The following REV3L variants were observed in gnomAD, a reference collection of about 807,000 sequenced individuals.
The protein encoded by REV3L is DNA polymerase zeta catalytic subunit.
In REV3L, 69 loss-of-function variants were observed where a neutral mutation model predicts 299.4. The ratio of observed to expected loss-of-function variants is 0.23; its 90% CI spans 0.19 to 0.28. REV3L has a LOEUF of 0.28. Ranked by LOEUF, REV3L falls within the 10% of genes least tolerant of loss-of-function variation. The pLI, the probability that REV3L is intolerant of heterozygous loss-of-function variation, is 1.00. For missense variants in REV3L, 3,128 were observed against 3,693.8 expected (o/e 0.85, Z 3.97); for synonymous variants, 1,238 against 1,271.4 (o/e 0.97, Z 0.56).
intron 4 of REV3L, among the ~76,000 whole-genome samples, chr6:111,404,438 C>T (rs889205977): frequency 2.6e-5 from 4 of 152,204 alleles, no homozygotes; most frequent in East Asian, 1.9e-4. Context: ...ACACAACATC[C>T]GTTCTGCAGC....
At chr6:111,400,326 T>C (rs1395165042) in intron 4 of REV3L, among the ~76,000 whole-genome samples, 4 of 152,228 alleles carry the variant, frequency 2.6e-5, no homozygotes, top group Non-Finnish European at 5.9e-5. Context: ...CCAAAGTGAC[T>C]ATATTATTTT....
chr6:111,424,144 G>A (rs934151464), intron 1 of REV3L, among the ~76,000 whole-genome samples: 3 of 152,174 alleles, frequency 2.0e-5, no homozygotes, highest in Non-Finnish European at 4.4e-5. Flanking sequence ...TGATTTATGT[G>A]AAATGTGACA....
chr6:111,419,231 C>T (rs749107901), intron 1 of REV3L, among the ~76,000 whole-genome samples: 1 of 152,072 alleles, frequency 6.6e-6, no homozygotes, highest in Non-Finnish European at 1.5e-5. Context: ...AGAACAACCA[C>T]AACACAAGGA....
intron 31 of REV3L, among the ~76,000 whole-genome samples, chr6:111,303,162 TTTC>T (rs1187086573): frequency 3.1e-5 from 2 of 63,500 alleles, no homozygotes; most frequent in Admixed American, 4.0e-4. Context: ...CTTTCTTTTC[TTTC>T]TTTTTTTTTT....
intron 1 of REV3L, among the ~76,000 whole-genome samples, chr6:111,425,656 T>A (rs1394315173): frequency 1.3e-5 from 2 of 152,042 alleles, no homozygotes; most frequent in Admixed American, 6.5e-5. Context: ...GCACCATATA[T>A]ATATATATAT....
intron 1 of REV3L, among the ~76,000 whole-genome samples, chr6:111,417,903 T>C (rs879615527): frequency 2.0e-5 from 3 of 152,240 alleles, no homozygotes; most frequent in African/African-American, 4.8e-5. Flanking sequence ...GTTGCTGTTA[T>C]ACAAATTTCA....
intron 1 of REV3L, among the ~76,000 whole-genome samples, chr6:111,440,526 G>C (rs1327518328): frequency 6.6e-6 from 1 of 152,098 alleles, no homozygotes; most frequent in Non-Finnish European, 1.5e-5. Context: ...ACTTATAAGG[G>C]ACAGCCCTCC....
At chr6:111,366,839 G>T (rs890172810) in intron 14 of REV3L, among the ~76,000 whole-genome samples, 2 of 152,044 alleles carry the variant, frequency 1.3e-5, no homozygotes, top group African/African-American at 4.8e-5. Context: ...GGGAGACCTG[G>T]GTATGTATAA....
At chr6:111,301,940 A>T (rs1055556587) in intron 31 of REV3L, among the ~76,000 whole-genome samples, 3 of 152,234 alleles carry the variant, frequency 2.0e-5, no homozygotes, top group Non-Finnish European at 4.4e-5. Flanking sequence ...AAGTGATTTT[A>T]AAAAAGCCAT....
In REV3L at chr6:111,433,369, T is replaced by C. The variant is rs549720044; in HGVS notation, c.140-16897A>G. 5.3e-5 allele frequency among the ~76,000 whole-genome samples: 8 copies of C among 151,880 alleles called. No individual in the cohort carries two copies. In the South Asian group the frequency reaches 1.5e-3, roughly 28 times the overall value. Reference sequence around the variant, plus strand: ...GAAACAAAAGAGGAGATAAAACAACTGAGACCACAGAAATACAAAGAGACT... The same window carrying C: ...GAAACAAAAGAGGAGATAAAACAACCGAGACCACAGAAATACAAAGAGACT... On this transcript the variant is annotated intron_variant, in intron 1 of 31. Coordinates refer to ENST00000368802, the MANE Select transcript of REV3L (RefSeq NM_001372078.1).
intron 1 of REV3L, among the ~76,000 whole-genome samples, chr6:111,461,414 G>A (rs1045750171): frequency 2.6e-5 from 4 of 152,036 alleles, no homozygotes; most frequent in Non-Finnish European, 5.9e-5. Context: ...CTAAGTTATT[G>A]TAAGAGAGTA....
intron 21 of REV3L, among the ~76,000 whole-genome samples, chr6:111,341,075 C>T (rs946798467): frequency 3.2e-5 from 4 of 126,114 alleles, no homozygotes; most frequent in South Asian, 2.5e-4. Flanking sequence ...CTTGCTGTGT[C>T]GCCCAGACTG....
chr6:111,468,472 T>TAGG (rs1456187326), intron 1 of REV3L, among the ~76,000 whole-genome samples: 2 of 151,988 alleles, frequency 1.3e-5, no homozygotes, highest in African/African-American at 4.8e-5. Flanking sequence ...GGGTAAAAGA[T>TAGG]AAACAGTACG....
intron 2 of REV3L, chr6:111,411,990 A>AT (rs938157696): frequency 1.9e-4 from 190 of 985,168 alleles, no homozygotes; most frequent in Non-Finnish European, 2.2e-4. Flanking sequence ...TCTGGCTCCC[A>AT]TTTTTTTGTT....
At chr6:111,450,502 A>AAAAC (rs1789394737) in intron 1 of REV3L, among the ~76,000 whole-genome samples, 2 of 150,468 alleles carry the variant, frequency 1.3e-5, no homozygotes, top group Non-Finnish European at 3.0e-5. Context: ...AAAAAAAAAA[A>AAAAC]AAAACCAAAA....
At chr6:111,310,223 CAG>C (rs1431813800) in intron 29 of REV3L, 124 bp from the exon 30 acceptor site, 23 of 1,223,274 alleles carry the variant, frequency 1.9e-5, no homozygotes, top group African/African-American at 3.0e-5. Context: ...AATTTCAAAA[CAG>C]AATTACTATT....
At chr6:111,478,736 T>C (rs1165123505) in intron 1 of REV3L, among the ~76,000 whole-genome samples, 2 of 152,192 alleles carry the variant, frequency 1.3e-5, no homozygotes, top group African/African-American at 2.4e-5. Flanking sequence ...TAAACTTATA[T>C]AGCATTTCAG....
At chr6:111,452,123 C>T (rs761171687) in intron 1 of REV3L, among the ~76,000 whole-genome samples, 3 of 150,530 alleles carry the variant, frequency 2.0e-5, no homozygotes, top group East Asian at 1.9e-4. Context: ...GATTCTTAGA[C>T]CTTAGGGAAA....
chr6:111,430,869 C>CA (rs1302227253), intron 1 of REV3L: 5 of 1,604,378 alleles, frequency 3.1e-6, no homozygotes, highest in Non-Finnish European at 3.4e-6. Context: ...GACGGAACAA[C>CA]AATGTTGGGA....
Sources: gnomAD v4.1 joint callset for allele counts (sites outside exome capture counted in the v4.1 genomes callset) on GRCh38, gnomAD v4.1.1 for gene constraint, MANE v1.5 for transcripts, NCBI Gene and HGNC (gene_info 2026-07-23, HGNC 2026-07-21) for gene names.